The following ZNF385D variants were observed in gnomAD, a reference collection of about 807,000 sequenced individuals.
ZNF385D encodes the protein zinc finger protein 385D.
A neutral mutation model predicts 35.8 loss-of-function variants in ZNF385D; 15 were observed. That is an observed-to-expected ratio of 0.42 (90% CI 0.28 to 0.64). The LOEUF is 0.64. Among genes scored for constraint, ZNF385D ranks in the 30% least tolerant of loss-of-function variants. The probability of loss-of-function intolerance (pLI) is 0.23; values close to 1 mark genes in which losing one functional copy is unlikely to be tolerated. For missense variants in ZNF385D, 474 were observed against 494.6 expected, an observed-to-expected ratio of 0.96 and a Z score of 0.39; for synonymous variants, 212 against 186.8, an observed-to-expected ratio of 1.13 and a Z score of -1.10.
chr3:21,654,109 C>G (rs1013483397), intron 2 of ZNF385D, among the ~76,000 whole-genome samples: 2 of 151,498 alleles, frequency 1.3e-5, no homozygotes, highest in Non-Finnish European at 2.9e-5. Flanking sequence ...AAAAAAAAAA[C>G]TTGAATATAG....
In ZNF385D at chr3:22,353,304, G is replaced by A. The variant is rs141385164; in HGVS notation, c.106+19146C>T. On this transcript the variant is annotated intron_variant, in intron 2 of 5. Coordinates refer to the ZNF385D transcript ENST00000494108. ...AAGCACAGGCTGTGCCCTTGGCACT[G>A]CCTCTTTGAATTCCACCATGTCTCC... Among the ~76,000 whole-genome samples the A allele has an allele frequency of 2.2e-4, 33 of 152,304 alleles. No individual in the cohort carries two copies. The East Asian group carries it at 3.1e-3, about 14-fold the overall frequency.
chr3:21,946,471 C>A (rs895564054), intron 3 of ZNF385D, among the ~76,000 whole-genome samples: 2 of 151,984 alleles, frequency 1.3e-5, no homozygotes, highest in Admixed American at 6.6e-5. Flanking sequence ...CTTTGTTTCT[C>A]TAATACATAT....
At chr3:21,622,578 G>A (rs1382883827) in intron 2 of ZNF385D, among the ~76,000 whole-genome samples, 3 of 152,094 alleles carry the variant, frequency 2.0e-5, no homozygotes, top group African/African-American at 7.2e-5. Flanking sequence ...TCCTAAGGAG[G>A]TTCTGAGATG....
chr3:22,261,134 G>A (rs530419331), intron 2 of ZNF385D, among the ~76,000 whole-genome samples: 5 of 150,440 alleles, frequency 3.3e-5, no homozygotes, highest in African/African-American at 9.8e-5. Flanking sequence ...CATCTACACC[G>A]ACCTACCTTT....
At chr3:21,989,016 G>A (rs550724401) in intron 3 of ZNF385D, among the ~76,000 whole-genome samples, 33 of 152,126 alleles carry the variant, frequency 2.2e-4, no homozygotes, top group East Asian at 9.8e-4. Context: ...TTCGGCTCGC[G>A]CACGGTGCGC....
chr3:21,750,956 T>A lies in ZNF385D; in HGVS notation c.-40A>T. Reference sequence around the variant, plus strand: ...GAATCCCACCGCGGTGTCTTCAGCATCAGCTCTCACCCAAGGCTGGCACGT... The same window carrying A: ...GAATCCCACCGCGGTGTCTTCAGCAACAGCTCTCACCCAAGGCTGGCACGT... On this transcript the variant is annotated 5_prime_UTR_variant, in exon 1 of 8. The change abolishes an upstream ATG in the 5' untranslated region. Coordinates refer to ENST00000281523, the MANE Select transcript of ZNF385D (RefSeq NM_024697.3). 1 of 1,614,008 alleles carries A rather than the reference T, an allele frequency of 6.2e-7. No individual in the cohort carries two copies. The highest frequency in any genetic ancestry group is 1.1e-5 in the South Asian group (1 of 91,078).
At chr3:21,744,762 T>C (rs552215182) in intron 1 of ZNF385D, among the ~76,000 whole-genome samples, 1 of 152,066 alleles carries the variant, frequency 6.6e-6, no homozygotes, top group South Asian at 2.1e-4. Flanking sequence ...AAGAAGCAAC[T>C]AGAAACAGAA....
intron 3 of ZNF385D, among the ~76,000 whole-genome samples, chr3:21,789,612 A>G (rs147625146): frequency 3.0e-3 from 462 of 152,284 alleles, no homozygotes; most frequent in African/African-American, 0.011. Context: ...TACTGCAAAT[A>G]CCTCTTTCTG....
chr3:21,853,214 G>A (rs1187381340), intron 3 of ZNF385D, among the ~76,000 whole-genome samples: 1 of 151,756 alleles, frequency 6.6e-6, no homozygotes, highest in Non-Finnish European at 1.5e-5. Context: ...ACCTACTTAA[G>A]AGAATAAAGA....
At chr3:22,243,635 T>C (rs1699611253) in intron 2 of ZNF385D, among the ~76,000 whole-genome samples, 1 of 150,738 alleles carries the variant, frequency 6.6e-6, no homozygotes, top group African/African-American at 2.5e-5. Flanking sequence ...GCAATGAAAA[T>C]GAAAATCAAA....
rs551425655 is a variant in ZNF385D at position 21,419,213 on chromosome 3, T to TCTTC, written c.*1997_*2000dup. On this transcript the variant is annotated 3_prime_UTR_variant, in exon 8 of 8. Coordinates refer to ENST00000281523, the MANE Select transcript of ZNF385D (RefSeq NM_024697.3). ...TCCTTTCTTCCTTCCTTCCTTCCATTCTTCCTTCCTTCCTTCCTTCTTTCC... is the reference window on the plus strand; with the variant it reads ...TCCTTTCTTCCTTCCTTCCTTCCATTCTTCCTTCCTTCCTTCCTTCCTTCTTTCC... The TCTTC allele has an allele frequency of 5.1e-3, 773 of 152,392 alleles. 2 individuals are homozygous for TCTTC. Among genetic ancestry groups the TCTTC allele is most frequent in the Non-Finnish European group, 7.7e-3 (528 of 68,204 alleles). 9.4% of individuals were successfully genotyped at this position (152,392 alleles called of 1,614,324 possible). A position where few individuals can be genotyped will look rare whatever the true frequency, so the allele number is the denominator to read the frequency against.
chr3:21,564,841 C>G (rs2063085615), intron 2 of ZNF385D, among the ~76,000 whole-genome samples, 157 bp from the exon 3 acceptor site: 1 of 152,042 alleles, frequency 6.6e-6, no homozygotes, highest in Non-Finnish European at 1.5e-5. Context: ...TTTTTACTTT[C>G]TTGGAAAATA....
chr3:21,968,101 G>A lies in ZNF385D; in HGVS notation c.325+200716C>T, dbSNP rs548952810. Reference sequence around the variant, plus strand: ...GCAGAGAGAGTATCCATGTGCTTGAGGGAGAGAGAGGAAAGGGATTGTGGG... The same window carrying A: ...GCAGAGAGAGTATCCATGTGCTTGAAGGAGAGAGAGGAAAGGGATTGTGGG... On this transcript the variant is annotated intron_variant, in intron 3 of 5. Transcript: ENST00000494108. 9.2e-5 allele frequency among the ~76,000 whole-genome samples: 14 copies of A among 152,258 alleles called. No homozygotes were observed. In the South Asian group the frequency reaches 2.7e-3, roughly 29 times the overall value.
chr3:21,785,943 T>C (rs2071671613), intron 3 of ZNF385D, among the ~76,000 whole-genome samples: 1 of 152,146 alleles, frequency 6.6e-6, no homozygotes, highest in Non-Finnish European at 1.5e-5. Context: ...CAACCAAGCT[T>C]GACCTTGGTG....
intron 3 of ZNF385D, among the ~76,000 whole-genome samples, chr3:22,065,043 A>G (rs1017486553): frequency 3.9e-5 from 6 of 152,354 alleles, no homozygotes; most frequent in African/African-American, 1.4e-4. Context: ...AATCCTAGTT[A>G]TGCCACCCAC....
chr3:22,138,142 A>C (rs1704266665), intron 3 of ZNF385D, among the ~76,000 whole-genome samples: 2 of 152,242 alleles, frequency 1.3e-5, no homozygotes, highest in East Asian at 3.9e-4. Flanking sequence ...GAGAACTACA[A>C]ACCACTGCTC....
intron 3 of ZNF385D, among the ~76,000 whole-genome samples, chr3:22,149,028 T>C (rs1466784595): frequency 6.6e-6 from 1 of 152,094 alleles, no homozygotes; most frequent in Non-Finnish European, 1.5e-5. Context: ...AAGGGTGCCA[T>C]GGGCTGGATG....
chr3:21,913,150 C>T (rs981943338), intron 3 of ZNF385D, among the ~76,000 whole-genome samples: 1 of 152,004 alleles, frequency 6.6e-6, no homozygotes, highest in Non-Finnish European at 1.5e-5. Flanking sequence ...AAATAATTTG[C>T]TAGTTCTTCA....
chr3:21,972,666 A>G (rs1020706488), intron 3 of ZNF385D, among the ~76,000 whole-genome samples: 2 of 151,648 alleles, frequency 1.3e-5, no homozygotes, highest in Admixed American at 6.6e-5. Context: ...AATTATAAAG[A>G]AAGTTGATAA....
Sources: allele counts gnomAD v4.1 joint callset (sites outside exome capture counted in the v4.1 genomes callset), GRCh38; gene constraint gnomAD v4.1.1; transcripts MANE v1.5; gene names NCBI Gene and HGNC (gene_info 2026-07-23, HGNC 2026-07-21).